The following DIS3L2 variants were observed in gnomAD, a reference collection of about 807,000 sequenced individuals.
DIS3L2 encodes the protein DIS3 like 3'-5' exoribonuclease 2, also known as DIS3-like exonuclease 2.
DIS3L2 carries 34 observed loss-of-function variants against 97.5 expected under a neutral mutation model. The ratio of observed to expected loss-of-function variants is 0.35; its 90% confidence interval spans 0.27 to 0.46. The LOEUF is 0.46. Among genes scored for constraint, DIS3L2 ranks in the 20% least tolerant of loss-of-function variants. The probability of loss-of-function intolerance (pLI) is 1.00; values close to 1 mark genes in which losing one functional copy is unlikely to be tolerated. For missense variants in DIS3L2, 1,038 were observed against 1,146.0 expected, an observed-to-expected ratio of 0.91 and a Z score of 1.36; for synonymous variants, 435 against 445.2, an observed-to-expected ratio of 0.98 and a Z score of 0.29.
At chr2:232,306,902 A>G (rs1213298433) in intron 14 of DIS3L2, among the ~76,000 whole-genome samples, 6 of 152,216 alleles carry the variant, frequency 3.9e-5, no homozygotes, top group Non-Finnish European at 7.3e-5. Context: ...CCTGCGTACA[A>G]CGTGTCCCTG....
At chr2:231,999,727 T>C (rs772498542) in intron 1 of DIS3L2, among the ~76,000 whole-genome samples, 1 of 152,230 alleles carries the variant, frequency 6.6e-6, no homozygotes, top group Non-Finnish European at 1.5e-5. Context: ...GGTTAAATAC[T>C]GTACCCCACA....
In DIS3L2 at chr2:232,134,931, G is replaced by A. The variant is rs114548631; in HGVS notation, c.703-1541G>A. Among the ~76,000 whole-genome samples the A allele has an allele frequency of 8.4e-3, 1,285 of 152,200 alleles. 7 individuals are homozygous for A. The highest frequency in any genetic ancestry group is 0.051 in the Middle Eastern group (15 of 294). ...GGAGGAAAGGATTCGAGGCTTAGAC[G>A]TAGATAACAGACTTGGAGAACAGGC... On this transcript the variant is annotated intron_variant, in intron 7 of 20. Transcript: ENST00000325385.
intron 13 of DIS3L2, among the ~76,000 whole-genome samples, chr2:232,270,264 A>G (rs1461305934): frequency 6.6e-6 from 1 of 152,210 alleles, no homozygotes; most frequent in Non-Finnish European, 1.5e-5. Context: ...ATACAAGAAT[A>G]TAAAGAAAAA....
rs865892347 is a variant in DIS3L2, at chr2:232,336,742, T to G, written c.*112T>G. 1 of 1,487,110 alleles carries G rather than the reference T, an allele frequency of 6.7e-7. No individual in the cohort carries two copies. Among genetic ancestry groups the G allele is most frequent in the Non-Finnish European group, 8.9e-7 (1 of 1,129,362 alleles). The allele number at this position is 1,487,110 out of a possible 1,614,324, so 92.1% of individuals were successfully genotyped here. ...AATTTGGTTTTTAACAACTCAGGGG[T>G]TTGTTTTTATTTTTATTTAATTTTT... On this transcript the variant is annotated 3_prime_UTR_variant, in exon 21 of 21. Transcript: ENST00000325385.
At chr2:231,993,215 A>G (rs2106193506) in intron 1 of DIS3L2, among the ~76,000 whole-genome samples, 1 of 152,164 alleles carries the variant, frequency 6.6e-6, no homozygotes, top group East Asian at 1.9e-4. Flanking sequence ...CCAATTATGT[A>G]AGCTAGAAAA....
intron 3 of DIS3L2, chr2:232,015,944 A>G: frequency 3.7e-6 from 1 of 269,298 alleles, no homozygotes; most frequent in South Asian, 8.7e-5. Context: ...GATTGTCTAG[A>G]GATGCTTTAT....
intron 13 of DIS3L2, among the ~76,000 whole-genome samples, chr2:232,294,466 A>G (rs1054985611): frequency 1.3e-5 from 2 of 152,198 alleles, no homozygotes; most frequent in Admixed American, 1.3e-4. Flanking sequence ...GTAGGGACAT[A>G]CTTTGTGGAA....
At chr2:232,260,838 C>T (rs1228252788) in intron 12 of DIS3L2, among the ~76,000 whole-genome samples, 1 of 152,182 alleles carries the variant, frequency 6.6e-6, no homozygotes, top group Non-Finnish European at 1.5e-5. Flanking sequence ...GTGGTGTGAA[C>T]AGCACCTGGG....
rs115482739 is a variant in DIS3L2, at chr2:232,089,084, C to T, written c.601+1363C>T. ...TATGTCCCCCCAGCGTAAAGAAAGC[C>T]GAAGGTATCTTCAGGACATGACTGG... On this transcript the variant is annotated intron_variant, in intron 6 of 20. Coordinates refer to ENST00000325385, the MANE Select transcript of DIS3L2 (RefSeq NM_152383.5). 2.8e-3 allele frequency among the ~76,000 whole-genome samples: 431 copies of T among 152,244 alleles called. 1 individual carries two copies. Among genetic ancestry groups the T allele is most frequent in the Non-Finnish European group, 4.7e-3 (317 of 68,016 alleles).
At chr2:232,203,535 C>G (rs1691951914) in intron 9 of DIS3L2, among the ~76,000 whole-genome samples, 1 of 152,072 alleles carries the variant, frequency 6.6e-6, no homozygotes, top group Non-Finnish European at 1.5e-5. Context: ...CCACAAGAGC[C>G]CTTTGGTCGT....
chr2:232,276,556 C>T lies in DIS3L2; in HGVS notation c.1659+13116C>T, dbSNP rs1178924741. 1.3e-5 allele frequency among the ~76,000 whole-genome samples: 2 copies of T among 152,378 alleles called. No individual in the cohort carries two copies. Among genetic ancestry groups the T allele is most frequent in the East Asian group, 1.9e-4 (1 of 5,190 alleles). ...TGTTTGCCCAGAGGCCTCGCTCAGA[C>T]TTGTTCCTTTTTGGTACATGTTTCC... On this transcript the variant is annotated intron_variant, in intron 13 of 20. Transcript: ENST00000325385. The surrounding 1 kb of genome is among the most constrained non-coding windows in gnomAD (Gnocchi z 4.4).
chr2:232,231,287 A>C (rs1692784994), intron 10 of DIS3L2, among the ~76,000 whole-genome samples: 1 of 152,208 alleles, frequency 6.6e-6, no homozygotes, highest in African/African-American at 2.4e-5. Flanking sequence ...GATGGTTATT[A>C]GGAAGATTAT....
chr2:232,176,909 C>T (rs1314016102), intron 9 of DIS3L2, among the ~76,000 whole-genome samples: 2 of 148,148 alleles, frequency 1.3e-5, no homozygotes, highest in Admixed American at 6.8e-5. Flanking sequence ...CACCCACTAA[C>T]TCGTCATCTA....
chr2:232,250,206 T>C (rs1277663507), intron 12 of DIS3L2, among the ~76,000 whole-genome samples: 1 of 152,202 alleles, frequency 6.6e-6, no homozygotes, highest in African/African-American at 2.4e-5. Flanking sequence ...GGGAAGTGTT[T>C]ATACTGTAAT....
chr2:232,270,434 CTAA>C (rs1559184787), intron 13 of DIS3L2, among the ~76,000 whole-genome samples: 1 of 152,106 alleles, frequency 6.6e-6, no homozygotes, highest in Non-Finnish European at 1.5e-5. Context: ...TAAATATTAC[CTAA>C]TGAGTTTTTC....
intron 6 of DIS3L2, among the ~76,000 whole-genome samples, chr2:232,104,572 C>T (rs1350696161): frequency 6.6e-6 from 1 of 152,170 alleles, no homozygotes; most frequent in Non-Finnish European, 1.5e-5. Flanking sequence ...TAACCATCCA[C>T]TCCTCATTTC....
chr2:232,004,492 A>G (rs1435624367), intron 1 of DIS3L2, among the ~76,000 whole-genome samples: 2 of 151,216 alleles, frequency 1.3e-5, no homozygotes, highest in Non-Finnish European at 2.9e-5. Flanking sequence ...AAACTCCTTG[A>G]GTGTTTATTC....
At chr2:232,111,195 A>C (rs755879893) in intron 6 of DIS3L2, 10 of 470,944 alleles carry the variant, frequency 2.1e-5, no homozygotes, top group South Asian at 1.5e-4. Context: ...TCTGTTTTAC[A>C]GACAATGAAA....
At chr2:232,209,471 G>A (rs753377591) in intron 9 of DIS3L2, among the ~76,000 whole-genome samples, 1 of 152,196 alleles carries the variant, frequency 6.6e-6, no homozygotes, top group South Asian at 2.1e-4. Context: ...AGAAATGGTG[G>A]CAGTGCACTG....
Sources: allele counts gnomAD v4.1 joint callset (sites outside exome capture counted in the v4.1 genomes callset), GRCh38; gene constraint gnomAD v4.1.1; non-coding constraint Gnocchi (gnomAD v3.1); transcripts MANE v1.5; gene names NCBI Gene and HGNC (gene_info 2026-07-23, HGNC 2026-07-21).